RAD23B: variants seen among roughly 807,000 people sequenced by gnomAD.
RAD23B encodes the protein lysine-specific demethylase RAD23B.
Under a neutral mutation model 49.1 loss-of-function variants are expected in RAD23B, and 5 were observed. The observed-to-expected ratio is 0.10, with a 90% CI of 0.05 to 0.21. The LOEUF (loss-of-function observed/expected upper bound fraction) is 0.21. Among genes scored for constraint, RAD23B ranks in the 10% least tolerant of loss-of-function variants. The pLI is 1.00. For synonymous variants in RAD23B, 184 were observed against 165.4 expected, an observed-to-expected ratio of 1.11 and a Z score of -0.86; for missense variants, 356 against 486.7, an observed-to-expected ratio of 0.73 and a Z score of 2.53.
intron 2 of RAD23B, 79 bp from the exon 3 acceptor site, chr9:107,301,956 T>G: frequency 6.5e-7 from 1 of 1,533,728 alleles, no homozygotes; most frequent in Non-Finnish European, 8.8e-7. Context: ...TATTCATATT[T>G]CGAGTAGAAA....
chr9:107,302,024 T>C lies in RAD23B; in HGVS notation c.149-11T>C. 1 of 1,609,434 alleles carries C rather than the reference T, an allele frequency of 6.2e-7. No individual in the cohort carries two copies. The highest frequency in any genetic ancestry group is 8.5e-7 in the Non-Finnish European group (1 of 1,178,882). ...TGCCTTAAATGATTTTTTTTTCTCTTAATGTATTAGGCAAAATCCTCAATG... is the reference window on the plus strand; with the variant it reads ...TGCCTTAAATGATTTTTTTTTCTCTCAATGTATTAGGCAAAATCCTCAATG... On this transcript the variant is annotated splice_polypyrimidine_tract_variant and intron_variant, in intron 2 of 9. Transcript: ENST00000358015.
chr9:107,308,994 G>C (rs1408139175), intron 4 of RAD23B, among the ~76,000 whole-genome samples: 1 of 152,194 alleles, frequency 6.6e-6, no homozygotes, highest in Non-Finnish European at 1.5e-5. Context: ...GTCTGTTACA[G>C]TGCAAATTCC....
intron 3 of RAD23B, among the ~76,000 whole-genome samples, chr9:107,306,057 A>G (rs1440030945): frequency 1.1e-5 from 1 of 87,364 alleles, no homozygotes; most frequent in Non-Finnish European, 2.1e-5. Flanking sequence ...ATATCTATAT[A>G]TATATATATA....
At position 107,283,665 on chromosome 9, in the gene RAD23B, C is replaced by T. The variant is rs752032803; in HGVS notation, c.36C>T (p.Thr12=). 7 of 1,483,928 alleles carry T rather than the reference C, an allele frequency of 4.7e-6. No individual in the cohort carries two copies. The South Asian group carries it at 8.9e-5, about 19-fold the overall frequency. The allele number at this position is 1,483,928 out of a possible 1,614,324, so 91.9% of individuals were successfully genotyped here. ...QVTLKTLQQQ[T]FKIDIDPEET... is the part of the protein sequence containing the mutation. ...CCCTGAAGACCCTCCAGCAGCAGAC[C>T]TTCAAGATAGACATTGACCCCGAGG... Residue 12 remains threonine (T), a synonymous_variant, in exon 1 of 10, where the codon ACC becomes ACT. Coordinates refer to ENST00000358015, the MANE Select transcript of RAD23B (RefSeq NM_002874.5).
rs563474258 is a variant in RAD23B, at chr9:107,324,536, C to T, written c.946-298C>T. 1.4e-4 allele frequency among the ~76,000 whole-genome samples: 22 copies of T among 152,038 alleles called. 1 individual carries two copies. The South Asian group carries it at 4.6e-3, about 32-fold the overall frequency. On this transcript the variant is annotated intron_variant, in intron 8 of 9. Transcript: ENST00000358015. ...GCAAGTATTAAGAATAAGTTCTATT[C>T]TTATAGTCCCACAGTAGTTTTTTTT...
At chr9:107,299,384 CAAGTT>C (rs1485523190) in intron 1 of RAD23B, among the ~76,000 whole-genome samples, 1 of 152,136 alleles carries the variant, frequency 6.6e-6, no homozygotes, top group Non-Finnish European at 1.5e-5. Context: ...CCCTACTTAA[CAAGTT>C]AAGAAGTTCA....
chr9:107,299,674 C>T (rs549686961), intron 1 of RAD23B, among the ~76,000 whole-genome samples: 2 of 152,222 alleles, frequency 1.3e-5, no homozygotes, highest in African/African-American at 4.8e-5. Context: ...GTAAAGTCCC[C>T]CTGGTGATTG....
chr9:107,331,621 G>T lies in RAD23B; in HGVS notation c.*1965G>T, dbSNP rs1295545453. On this transcript the variant is annotated 3_prime_UTR_variant, in exon 10 of 10. Coordinates refer to ENST00000358015, the MANE Select transcript of RAD23B (RefSeq NM_002874.5). The stretch of plus-strand genomic sequence containing the variant: ...GGAAAAGAGGTGGCATTTCTGATCG[G>T]ATAATGGAATACTCTCATTTATTTT... 1 of 759,658 alleles carries T rather than the reference G, an allele frequency of 1.3e-6. No homozygotes were observed. The highest frequency in any genetic ancestry group is 2.4e-5 in the East Asian group (1 of 41,056). The allele number at this position is 759,658 out of a possible 1,614,324, so 47.1% of individuals were successfully genotyped here. A position where few individuals can be genotyped will look rare whatever the true frequency, so the allele number is the denominator to read the frequency against.
chr9:107,301,982 G>C (rs1019756693), intron 2 of RAD23B, 53 bp from the exon 3 acceptor site: 3 of 1,583,156 alleles, frequency 1.9e-6, no homozygotes, highest in Non-Finnish European at 2.6e-6. Flanking sequence ...TTTAACTGAA[G>C]TGTAAGAGAA....
intron 1 of RAD23B, among the ~76,000 whole-genome samples, chr9:107,287,658 A>G (rs1833299573): frequency 6.6e-6 from 1 of 152,096 alleles, no homozygotes; most frequent in Non-Finnish European, 1.5e-5. Context: ...AACATGGTGA[A>G]ACCTGGTCTC....
Position 107,301,957 on chromosome 9 carries a change from C to T in RAD23B, c.149-78C>T, listed in dbSNP as rs764467368. 21 of 1,509,922 alleles carry T rather than the reference C, an allele frequency of 1.4e-5. No homozygotes were observed. In the South Asian group the frequency reaches 1.6e-4, roughly 12 times the overall value. The allele number at this position is 1,509,922 out of a possible 1,614,324, so 93.5% of individuals were successfully genotyped here. A position where few individuals can be genotyped will look rare whatever the true frequency, so the allele number is the denominator to read the frequency against. On this transcript the variant is annotated intron_variant, in intron 2 of 9. Transcript: ENST00000358015. The stretch of plus-strand genomic sequence containing the variant: ...TAATATTTCTGAAATATTCATATTT[C>T]GAGTAGAAAGTTGTTTTAACTGAAG...
chr9:107,322,388 T>A (rs1230113129), intron 7 of RAD23B, among the ~76,000 whole-genome samples: 1 of 152,208 alleles, frequency 6.6e-6, no homozygotes, highest in Non-Finnish European at 1.5e-5. Context: ...TGCTTTCCAG[T>A]TTGTATTTAG....
intron 1 of RAD23B, among the ~76,000 whole-genome samples, chr9:107,297,653 C>A (rs1305024150): frequency 6.6e-6 from 1 of 151,376 alleles, no homozygotes; most frequent in African/African-American, 2.4e-5. Context: ...ATTTTTTAAT[C>A]AATTTTGATT....
chr9:107,315,733 C>T (rs866413126), intron 5 of RAD23B, among the ~76,000 whole-genome samples: 1 of 151,928 alleles, frequency 6.6e-6, no homozygotes, highest in Non-Finnish European at 1.5e-5. Context: ...AGGCTGGTCT[C>T]GAACTCCTGA....
intron 1 of RAD23B, among the ~76,000 whole-genome samples, chr9:107,294,739 A>G (rs749217297): frequency 2.6e-5 from 4 of 152,234 alleles, no homozygotes; most frequent in Admixed American, 6.5e-5. Flanking sequence ...TTAAGTGTGC[A>G]TAAATGAAGG....
intron 9 of RAD23B, 51 bp downstream of exon 9, chr9:107,325,055 C>G (rs1166634703): frequency 6.5e-7 from 1 of 1,541,396 alleles, no homozygotes; most frequent in Admixed American, 1.8e-5. Context: ...GGGCTCATGC[C>G]TGTAATTCCA....
chr9:107,324,492 T>C (rs974922200), intron 8 of RAD23B, among the ~76,000 whole-genome samples: 9 of 152,276 alleles, frequency 5.9e-5, no homozygotes, highest in African/African-American at 2.2e-4. Context: ...CCCACTAGTG[T>C]GGAAGGTAAA....
chr9:107,327,288 C>T lies in RAD23B; in HGVS notation c.1117-2255C>T, dbSNP rs535811126. ...TTTAAGTCTCTCTAATGTTTATTTCCCTCTTGCTTGCTTCTAGTTTGTTCT... is the reference window on the plus strand; with the variant it reads ...TTTAAGTCTCTCTAATGTTTATTTCTCTCTTGCTTGCTTCTAGTTTGTTCT... On this transcript the variant is annotated intron_variant, in intron 9 of 9. Coordinates refer to ENST00000358015, the MANE Select transcript of RAD23B (RefSeq NM_002874.5). Among the ~76,000 whole-genome samples, 18 of 151,810 alleles carry T rather than the reference C, an allele frequency of 1.2e-4. No individual in the cohort carries two copies. The South Asian group carries it at 3.5e-3, about 30-fold the overall frequency.
chr9:107,319,197 C>A (rs1466204270), intron 6 of RAD23B, among the ~76,000 whole-genome samples: 1 of 130,080 alleles, frequency 7.7e-6, no homozygotes, highest in Non-Finnish European at 1.5e-5. Flanking sequence ...GTGGCATGAT[C>A]TCTGCTCACC....
Sources: allele counts gnomAD v4.1 joint callset (sites outside exome capture counted in the v4.1 genomes callset), GRCh38; gene constraint gnomAD v4.1.1; transcripts MANE v1.5; gene names NCBI Gene and HGNC (gene_info 2026-07-23, HGNC 2026-07-21).